The following RGL3 variants were observed in gnomAD, a reference collection of about 807,000 sequenced individuals.
RGL3 encodes ral guanine nucleotide dissociation stimulator-like 3.
RGL3 carries 85 observed loss-of-function variants against 90.6 expected under a neutral mutation model. That is an observed-to-expected ratio of 0.94 (90% CI 0.79 to 1.12). The LOEUF (loss-of-function observed/expected upper bound fraction) is 1.12, where lower values mean the gene tolerates loss of function less well. RGL3 is among the 50% of genes most tolerant of loss of function. The pLI is 0.00. For synonymous variants in RGL3, 408 were observed against 385.5 expected, an observed-to-expected ratio of 1.06 and a Z score of -0.68; for missense variants, 1,034 against 939.2, an observed-to-expected ratio of 1.10 and a Z score of -1.32.
At chr19:11,408,827 A>C (rs937518364) in intron 5 of RGL3, 1 of 151,930 alleles carries the variant, frequency 6.6e-6, no homozygotes, top group Non-Finnish European at 1.5e-5. Context: ...TACAGATCGA[A>C]CTCCTTGTTC....
chr19:11,416,145 A>G lies in RGL3; in HGVS notation c.429T>C (p.Ala143=). 1 of 1,545,144 alleles carries G rather than the reference A, an allele frequency of 6.5e-7. No homozygotes were observed. Among genetic ancestry groups the G allele is most frequent in the Non-Finnish European group, 8.7e-7 (1 of 1,149,268 alleles). Residue 143 remains alanine (A), a synonymous_variant, in exon 5 of 19, where the codon GCT becomes GCC. Transcript: ENST00000380456. ...QDLSFNKNLR[A]VVSVLGSWLQ... ...GCCAGGAGCCCAGCACTGACACCAC[A>G]GCCCTGGCCAGAGAGGCAGGGTCTC... is the stretch of plus-strand genomic sequence containing the variant.
Position 11,419,257 on chromosome 19 carries a change from C to A in RGL3, c.22G>T (p.Glu8Ter). The change falls in exon 1 of 19, where the codon GAG becomes TAG. Residue 8 changes from glutamate to a stop codon, truncating the protein, a stop_gained. Transcript: ENST00000380456. LOFTEE classifies it high-confidence loss of function. MERTAGK[E>*]LALAPLQDWG... The stretch of plus-strand genomic sequence containing the variant: ...CCTTGTCCCCTTACCAGGGCCAGCT[C>A]TTTGCCTGCTGTGCGCTCCATGGCC... 1 of 1,588,644 alleles carries A rather than the reference C, an allele frequency of 6.3e-7. No homozygotes were observed. The highest frequency in any genetic ancestry group is 8.6e-7 in the Non-Finnish European group (1 of 1,168,200).
chr19:11,416,588 C>T (rs373872543), intron 4 of RGL3, 26 bp downstream of exon 4: 5 of 1,610,624 alleles, frequency 3.1e-6, no homozygotes, highest in Non-Finnish European at 4.2e-6. Flanking sequence ...CCTCCCCGCA[C>T]TCCCCTATCT....
In RGL3 at chr19:11,406,496, C is replaced by A; in HGVS notation, c.919G>T (p.Gly307Cys). ...QFNTVTGCVL[G>C]SVLGAPGLAA... ...AAGCCCGGTGCTCCGAGCACGGAAC[C>A]CAGCACACAGCCGGTCACGGTGTTG... The change falls in exon 7 of 19, where the codon GGT (glycine) becomes TGT (cysteine). Residue 307 changes from glycine (G) to cysteine (C), a missense_variant. By Grantham distance (159) the Gly-to-Cys change is radical. Coordinates refer to ENST00000380456, the MANE Select transcript of RGL3 (RefSeq NM_001035223.4). 1 of 1,555,510 alleles carries A rather than the reference C, an allele frequency of 6.4e-7. No individual in the cohort carries two copies. The highest frequency in any genetic ancestry group is 8.7e-7 in the Non-Finnish European group (1 of 1,152,252).
intron 17 of RGL3, 33 bp from the exon 18 acceptor site, chr19:11,397,391 C>T (rs1384936092): frequency 1.3e-6 from 2 of 1,587,070 alleles, no homozygotes; most frequent in Admixed American, 1.7e-5. Flanking sequence ...GAGGTGAGGG[C>T]CCCGGCCCCA....
At chr19:11,398,001 T>G (rs1041783949) in intron 16 of RGL3, among the ~76,000 whole-genome samples, 3 of 151,204 alleles carry the variant, frequency 2.0e-5, no homozygotes, top group African/African-American at 7.4e-5. Context: ...AGAGCAAGAC[T>G]CCATCTCAAA....
chr19:11,411,487 T>A (rs1968874590), intron 5 of RGL3: 1 of 152,106 alleles, frequency 6.6e-6, no homozygotes, highest in African/African-American at 2.4e-5. Context: ...GGTGGGCACC[T>A]GTGGTCCCAG....
chr19:11,409,353 C>T lies in RGL3; in HGVS notation c.638-2489G>A, dbSNP rs1285217953. Among the ~76,000 whole-genome samples the T allele has an allele frequency of 2.0e-5, 3 of 151,812 alleles. No homozygotes were observed. In the South Asian group the frequency reaches 6.2e-4, roughly 32 times the overall value. On this transcript the variant is annotated intron_variant, in intron 5 of 18. Coordinates refer to ENST00000380456, the MANE Select transcript of RGL3 (RefSeq NM_001035223.4). ...AAAATTAGCCAGGCGTGGTGGCGGG[C>T]GCCTGTAGTCCCAGCTACCCAGGAG...
intron 18 of RGL3, among the ~76,000 whole-genome samples, chr19:11,396,138 A>C (rs76520894): frequency 0.037 from 1,372 of 37,054 alleles, 24 homozygotes; most frequent in African/African-American, 0.065. Flanking sequence ...CTCTCTCTCT[A>C]TATATATATA....
intron 5 of RGL3, among the ~76,000 whole-genome samples, chr19:11,410,285 G>A (rs1949316906): frequency 6.6e-6 from 1 of 151,874 alleles, no homozygotes; most frequent in Non-Finnish European, 1.5e-5. Context: ...ACAGGCATGA[G>A]CCATAGCACC....
In RGL3 at chr19:11,415,228, G is replaced by A. The variant is rs1265532525; in HGVS notation, c.637+709C>T. ...TTACAGGCTAGGTATAGTGGCTCGCGCCTGTAATGCCAGCAGTTTTGGAGA... is the reference window on the plus strand; with the variant it reads ...TTACAGGCTAGGTATAGTGGCTCGCACCTGTAATGCCAGCAGTTTTGGAGA... On this transcript the variant is annotated intron_variant, in intron 5 of 18. Transcript: ENST00000380456. 4.0e-5 allele frequency among the ~76,000 whole-genome samples: 6 copies of A among 151,436 alleles called. No homozygotes were observed. In the South Asian group the frequency reaches 6.3e-4, roughly 16 times the overall value.
In RGL3 at chr19:11,406,714, A is replaced by G; in HGVS notation, c.780+8T>C. On this transcript the variant is annotated splice_region_variant and intron_variant, in intron 6 of 18. Transcript: ENST00000380456. The stretch of plus-strand genomic sequence containing the variant: ...GTGGCTCATCCCGACCCTGTCCGGG[A>G]TCCTCACCAAGTCTATGAGGGTCAG... The G allele has an allele frequency of 2.5e-6, 4 of 1,613,546 alleles. No homozygotes were observed. The highest frequency in any genetic ancestry group is 3.4e-6 in the Non-Finnish European group (4 of 1,179,884).
intron 5 of RGL3, among the ~76,000 whole-genome samples, chr19:11,412,284 A>G (rs1225516891): frequency 7.3e-5 from 11 of 151,294 alleles, no homozygotes; most frequent in African/African-American, 2.7e-4. Flanking sequence ...CCGTCTCAAA[A>G]AAAAAAAAAA....
intron 5 of RGL3, among the ~76,000 whole-genome samples, chr19:11,415,252 G>A (rs1968973055): frequency 6.6e-6 from 1 of 151,772 alleles, no homozygotes; most frequent in Admixed American, 6.6e-5. Flanking sequence ...CAGTTTTGGA[G>A]ACCCAGGCGG....
intron 5 of RGL3, among the ~76,000 whole-genome samples, chr19:11,407,725 C>T (rs1000614110): frequency 5.4e-5 from 8 of 149,368 alleles, no homozygotes; most frequent in African/African-American, 1.7e-4. Flanking sequence ...CTGACTCTGT[C>T]GCCCAGGCTG....
In RGL3 at chr19:11,397,526, G is replaced by A. The variant is rs1304784713; in HGVS notation, c.1818C>T (p.Leu606=). 1.2e-6 allele frequency: 2 copies of A among 1,613,134 alleles called. No individual in the cohort carries two copies. Among genetic ancestry groups the A allele is most frequent in the Non-Finnish European group, 1.7e-6 (2 of 1,179,722 alleles). The change falls in exon 17 of 19, where the codon CTC becomes CTT. Residue 606 remains leucine, a synonymous_variant. Coordinates refer to ENST00000380456, the MANE Select transcript of RGL3 (RefSeq NM_001035223.4). ...GGGCCTCCGAGCTCTGCTGCGCCGGGAGGGGGATTCGAGGGCTGCCCAGAG... is the reference window on the plus strand; with the variant it reads ...GGGCCTCCGAGCTCTGCTGCGCCGGAAGGGGGATTCGAGGGCTGCCCAGAG... ...ALPLGSPRIP[L]PAQQSSEARV...
chr19:11,396,136 C>CTCTCTCTATA (rs1367805487), intron 18 of RGL3, among the ~76,000 whole-genome samples: 2 of 17,904 alleles, frequency 1.1e-4, no homozygotes, highest in African/African-American at 3.8e-4. Context: ...CTCTCTCTCT[C>CTCTCTCTATA]TATATATATA....
rs1466107864 is a variant in RGL3, at chr19:11,406,446, C to G, written c.969G>C (p.Arg323=). 11 of 1,544,106 alleles carry G rather than the reference C, an allele frequency of 7.1e-6. No individual in the cohort carries two copies. The highest frequency in any genetic ancestry group is 9.6e-6 in the Non-Finnish European group (11 of 1,148,670). Residue 323 remains arginine, a synonymous_variant, in exon 7 of 19, where the codon CGG becomes CGC. Coordinates refer to ENST00000380456, the MANE Select transcript of RGL3 (RefSeq NM_001035223.4). The part of the protein sequence containing the change: ...PGLAAPQRAQ[R]LEKWIRIAQR... ...GGGCGATGCGGATCCACTTCTCCAG[C>G]CGCTGCGCCCTCTGCGGGGCGGCCA...
intron 5 of RGL3, among the ~76,000 whole-genome samples, chr19:11,414,511 A>T (rs1172635319): frequency 1.7e-5 from 2 of 116,522 alleles, no homozygotes; most frequent in African/African-American, 7.0e-5. Flanking sequence ...ATATATATAT[A>T]TATATATATA....
Sources: allele counts gnomAD v4.1 joint callset (sites outside exome capture counted in the v4.1 genomes callset), GRCh38; gene constraint gnomAD v4.1.1; transcripts MANE v1.5; gene names NCBI Gene and HGNC (gene_info 2026-07-23, HGNC 2026-07-21).